The following HMGCS1 variants were observed in gnomAD, a reference collection of about 807,000 sequenced individuals.
The protein encoded by HMGCS1 is hydroxymethylglutaryl-CoA synthase, cytoplasmic.
In HMGCS1, 9 loss-of-function variants were observed where a neutral mutation model predicts 52.3. That is an observed-to-expected ratio of 0.17 (90% CI 0.10 to 0.30). The LOEUF (loss-of-function observed/expected upper bound fraction) is 0.30. HMGCS1 is among the 10% of genes least tolerant of loss of function. The pLI is 1.00. For missense variants in HMGCS1, 320 were observed against 620.9 expected, an observed-to-expected ratio of 0.52 and a Z score of 5.15; for synonymous variants, 176 against 214.4, an observed-to-expected ratio of 0.82 and a Z score of 1.57.
At position 43,290,004 on chromosome 5, in the gene HMGCS1, A is replaced by G. The variant is rs1351036953; in HGVS notation, c.*1127T>C. On this transcript the variant is annotated 3_prime_UTR_variant, in exon 11 of 11. Coordinates refer to ENST00000325110, the MANE Select transcript of HMGCS1 (RefSeq NM_001098272.3). ...TTGTTTGTTGTTGTTTTTTAAGGTA[A>G]AAGTCCTACTTCAGACCTTGAAGTG... 2 of 152,414 alleles carry G rather than the reference A, an allele frequency of 1.3e-5. No individual in the cohort carries two copies. The highest frequency in any genetic ancestry group is 2.4e-5 in the African/African-American group (1 of 41,386). 9.4% of individuals were successfully genotyped at this position (152,414 alleles called of 1,614,324 possible). A position where few individuals can be genotyped will look rare whatever the true frequency, so the allele number is the denominator to read the frequency against.
At position 43,298,234 on chromosome 5, in the gene HMGCS1, C is replaced by A; in HGVS notation, c.449-100G>T. ...TATTTTCCCCAGAATATGCTTTTCC[C>A]TTCTTTGATAAAGAAAGAAAATGCT... On this transcript the variant is annotated intron_variant, in intron 3 of 10. Coordinates refer to ENST00000325110, the MANE Select transcript of HMGCS1 (RefSeq NM_001098272.3). The surrounding 1 kb of genome is among the most constrained non-coding windows in gnomAD (Gnocchi z 5.6). 1 of 1,077,008 alleles carries A rather than the reference C, an allele frequency of 9.3e-7. No homozygotes were observed. The highest frequency in any genetic ancestry group is 1.3e-6 in the Non-Finnish European group (1 of 751,766). 66.7% of individuals were successfully genotyped at this position (1,077,008 alleles called of 1,614,324 possible).
At chr5:43,311,678 T>C (rs1172498821) in intron 1 of HMGCS1, among the ~76,000 whole-genome samples, 1 of 152,074 alleles carries the variant, frequency 6.6e-6, no homozygotes, top group African/African-American at 2.4e-5. Flanking sequence ...CTATCTAAAA[T>C]CTAAGTCAAA....
At chr5:43,301,936 G>A (rs2111697700) in intron 2 of HMGCS1, among the ~76,000 whole-genome samples, 1 of 152,192 alleles carries the variant, frequency 6.6e-6, no homozygotes, top group East Asian at 1.9e-4. Context: ...TAAATGAACA[G>A]AGATCCTCTC....
intron 5 of HMGCS1, 110 bp from the exon 6 acceptor site, chr5:43,296,027 A>G: frequency 1.4e-6 from 1 of 705,558 alleles, no homozygotes; most frequent in East Asian, 2.6e-5. Context: ...AGCAACCACA[A>G]ATACACTGTA....
In HMGCS1 at chr5:43,298,098, A is replaced by G. The variant is rs770255909; in HGVS notation, c.485T>C (p.Val162Ala). 106 of 1,613,354 alleles carry G rather than the reference A, an allele frequency of 6.6e-5. No homozygotes were observed. The highest frequency in any genetic ancestry group is 1.6e-4 in the Middle Eastern group (1 of 6,082). ...AGGTCTAGCATTTCCTGTGGCATAT[A>G]CAGCAATATCTCCTGCAACTACCAG... ...YALVVAGDIA[V>A]YATGNARPTG... The change falls in exon 4 of 11, where the codon GTA (valine) becomes GCA (alanine). Residue 162 changes from valine to alanine, a missense_variant. Physicochemically the swap from Val to Ala is moderately conservative, Grantham distance 64. This residue lies in a region of HMGCS1 where 85 missense variants were observed against 260.0 expected (regional missense o/e 0.33). Transcript: ENST00000325110. This position sits in a 1 kb window ranked among gnomAD's most constrained non-coding sequence, Gnocchi z 5.6.
At position 43,291,094 on chromosome 5, in the gene HMGCS1, C is replaced by T. The variant is rs1753738696; in HGVS notation, c.*37G>A. 1.1e-6 allele frequency: 1 copy of T among 910,440 alleles called. No individual in the cohort carries two copies. Among genetic ancestry groups the T allele is most frequent in the Non-Finnish European group, 1.8e-6 (1 of 544,502 alleles). 56.4% of individuals were successfully genotyped at this position (910,440 alleles called of 1,614,324 possible). On this transcript the variant is annotated 3_prime_UTR_variant, in exon 11 of 11. Coordinates refer to ENST00000325110, the MANE Select transcript of HMGCS1 (RefSeq NM_001098272.3). Reference sequence around the variant, plus strand: ...CTGTTCCCATACCCCCACCCCATGCCCACCCCACCCTGAAGTCTTGCACCT... The same window carrying T: ...CTGTTCCCATACCCCCACCCCATGCTCACCCCACCCTGAAGTCTTGCACCT...
rs1561110617 is a variant in HMGCS1 at position 43,293,845 on chromosome 5, C to T, written c.1183+211G>A. Reference sequence around the variant, plus strand: ...TCTCCTACTTCAGCCTCCCAAGTAGCTAGGACTACAGGCATGCACCACCTC... The same window carrying T: ...TCTCCTACTTCAGCCTCCCAAGTAGTTAGGACTACAGGCATGCACCACCTC... On this transcript the variant is annotated intron_variant, in intron 8 of 10. Coordinates refer to ENST00000325110, the MANE Select transcript of HMGCS1 (RefSeq NM_001098272.3). The T allele has an allele frequency of 1.2e-5, 5 of 402,202 alleles. 1 individual carries two copies. In the South Asian group the frequency reaches 1.5e-4, roughly 12 times the overall value. 24.9% of individuals were successfully genotyped at this position (402,202 alleles called of 1,614,324 possible). A position where few individuals can be genotyped will look rare whatever the true frequency, so the allele number is the denominator to read the frequency against.
chr5:43,301,567 A>G (rs774691901), intron 2 of HMGCS1, among the ~76,000 whole-genome samples: 5 of 152,246 alleles, frequency 3.3e-5, no homozygotes, highest in African/African-American at 4.8e-5. Flanking sequence ...TTAATTATTC[A>G]TACATATATA....
intron 6 of HMGCS1, 42 bp from the exon 7 acceptor site, chr5:43,294,903 T>C (rs377316977): frequency 2.3e-6 from 3 of 1,326,086 alleles, no homozygotes; most frequent in South Asian, 2.7e-5. Flanking sequence ...TTAAAGCCTA[T>C]GTTTTTATTA....
intron 10 of HMGCS1, 96 bp from the exon 11 acceptor site, chr5:43,291,316 G>C (rs1342857471): frequency 1.3e-6 from 1 of 766,754 alleles, no homozygotes; most frequent in Non-Finnish European, 2.3e-6. Context: ...ACTTAATAAA[G>C]GACAACTCTG....
chr5:43,303,119 T>A (rs1754399314), intron 2 of HMGCS1, among the ~76,000 whole-genome samples: 1 of 152,234 alleles, frequency 6.6e-6, no homozygotes, highest in Non-Finnish European at 1.5e-5. Flanking sequence ...ATCTTAAATT[T>A]ATTACATCCT....
chr5:43,302,437 C>A (rs1374941894), intron 2 of HMGCS1, among the ~76,000 whole-genome samples: 2 of 152,188 alleles, frequency 1.3e-5, no homozygotes, highest in African/African-American at 2.4e-5. Context: ...ACATTTTACC[C>A]ATGAAACCTT....
chr5:43,291,259 C>A, intron 10 of HMGCS1, 39 bp from the exon 11 acceptor site: 1 of 1,211,310 alleles, frequency 8.3e-7, no homozygotes, highest in Non-Finnish European at 1.2e-6. Flanking sequence ...TCTTATGATT[C>A]TTTCCCCCAC....
At position 43,298,182 on chromosome 5, in the gene HMGCS1, A is replaced by C; in HGVS notation, c.449-48T>G. 2 of 1,517,336 alleles carry C rather than the reference A, an allele frequency of 1.3e-6. No homozygotes were observed. Among genetic ancestry groups the C allele is most frequent in the Non-Finnish European group, 1.8e-6 (2 of 1,111,010 alleles). 94.0% of individuals were successfully genotyped at this position (1,517,336 alleles called of 1,614,324 possible). On this transcript the variant is annotated intron_variant, in intron 3 of 10. Transcript: ENST00000325110. The surrounding 1 kb of genome is among the most constrained non-coding windows in gnomAD (Gnocchi z 5.6). ...TCACAAGAAGGAATTCAACACTATA[A>C]CCAAACATGGAAACTGAAGTCTGTT...
At chr5:43,309,397 A>C (rs1008087745) in intron 1 of HMGCS1, among the ~76,000 whole-genome samples, 3 of 151,860 alleles carry the variant, frequency 2.0e-5, no homozygotes, top group Non-Finnish European at 2.9e-5. Flanking sequence ...ATGCCACAAT[A>C]CACAGCTGAT....
At chr5:43,309,839 C>T (rs1285831295) in intron 1 of HMGCS1, among the ~76,000 whole-genome samples, 5 of 152,184 alleles carry the variant, frequency 3.3e-5, no homozygotes, top group East Asian at 1.9e-4. Flanking sequence ...GAAATATAGG[C>T]ACTTTGAGTC....
At chr5:43,291,782 C>A (rs1236790630) in intron 10 of HMGCS1, among the ~76,000 whole-genome samples, 1 of 152,034 alleles carries the variant, frequency 6.6e-6, no homozygotes, top group African/African-American at 2.4e-5. Context: ...TAGCAGGTAA[C>A]AGGAATTCAA....
intron 2 of HMGCS1, among the ~76,000 whole-genome samples, chr5:43,307,198 G>C (rs1754622101): frequency 6.6e-6 from 1 of 151,544 alleles, no homozygotes; most frequent in Non-Finnish European, 1.5e-5. Context: ...AGCCTCCTGA[G>C]CTGCTTGACT....
Position 43,298,737 on chromosome 5 carries a change from T to C in HMGCS1, c.229A>G (p.Met77Val), listed in dbSNP as rs914355255. The C allele has an allele frequency of 7.4e-6, 12 of 1,614,246 alleles. No homozygotes were observed. Among genetic ancestry groups the C allele is most frequent in the Non-Finnish European group, 1.0e-5 (12 of 1,180,040 alleles). ...SLCMTVVQNL[M>V]ERNNLSYDCI... is the part of the protein sequence containing the mutation. ...TCATAGGAAAGGTTATTTCTCTCCA[T>C]AAGATTCTGAACCACAGTCATGCAA... The change falls in exon 3 of 11, where the codon ATG becomes GTG. Residue 77 changes from methionine to valine, a missense_variant. By Grantham distance (21) the Met-to-Val change is conservative. Transcript: ENST00000325110. This position sits in a 1 kb window ranked among gnomAD's most constrained non-coding sequence, Gnocchi z 5.6.
Sources: gnomAD v4.1 joint callset for allele counts (sites outside exome capture counted in the v4.1 genomes callset) on GRCh38, gnomAD v4.1.1 for gene constraint, gnomAD v4.1.1 regional missense constraint, Gnocchi (gnomAD v3.1) non-coding constraint, MANE v1.5 for transcripts, NCBI Gene and HGNC (gene_info 2026-07-23, HGNC 2026-07-21) for gene names.